The following IMMP2L variants were observed in gnomAD, a reference collection of about 807,000 sequenced individuals.
IMMP2L encodes the protein mitochondrial inner membrane protease subunit 2.
A neutral mutation model predicts 19.3 loss-of-function variants in IMMP2L; 18 were observed. The ratio of observed to expected loss-of-function variants is 0.93; its 90% confidence interval spans 0.64 to 1.38. The LOEUF is 1.38. Ranked by LOEUF, IMMP2L falls within the 40% of genes most tolerant of loss-of-function variation. The pLI is 0.00. For synonymous variants in IMMP2L, 76 were observed against 73.0 expected (o/e 1.04, Z -0.21); for missense variants, 233 against 218.2 (o/e 1.07, Z -0.43).
chr7:111,222,111 C>T (rs906000201), intron 3 of IMMP2L, among the ~76,000 whole-genome samples: 2 of 151,998 alleles, frequency 1.3e-5, no homozygotes, highest in Non-Finnish European at 1.5e-5. Flanking sequence ...ATAATGCCAC[C>T]TCAATTTCTG....
chr7:111,005,964 C>T (rs1296758588), intron 3 of IMMP2L, among the ~76,000 whole-genome samples: 1 of 146,750 alleles, frequency 6.8e-6, no homozygotes, highest in Non-Finnish European at 1.5e-5. Flanking sequence ...TCAGAAAGGC[C>T]AGGTTTTTTT....
At chr7:111,090,609 T>TAAAAAAAA (rs201456063) in intron 3 of IMMP2L, among the ~76,000 whole-genome samples, 1 of 113,128 alleles carries the variant, frequency 8.8e-6, no homozygotes, top group Non-Finnish European at 1.9e-5. Context: ...ATGTCATTGC[T>TAAAAAAAA]AAAAAAAAAA....
chr7:111,307,780 A>C (rs1385174229), intron 3 of IMMP2L, among the ~76,000 whole-genome samples: 1 of 151,730 alleles, frequency 6.6e-6, no homozygotes, highest in Non-Finnish European at 1.5e-5. Flanking sequence ...TTCCTTAGAA[A>C]TGGCCATAGC....
chr7:110,904,820 G>T (rs574298301), intron 4 of IMMP2L, among the ~76,000 whole-genome samples: 3 of 152,126 alleles, frequency 2.0e-5, no homozygotes, highest in South Asian at 2.1e-4. Context: ...TCCAAGAGAG[G>T]CCTGTTTTAC....
intron 3 of IMMP2L, among the ~76,000 whole-genome samples, chr7:111,071,109 C>A (rs1232573805): frequency 1.3e-5 from 2 of 151,886 alleles, no homozygotes; most frequent in Non-Finnish European, 2.9e-5. Context: ...CCAACAAGTA[C>A]ATGAAAAAAA....
chr7:110,917,708 G>A (rs1813773866), intron 4 of IMMP2L, among the ~76,000 whole-genome samples: 1 of 152,122 alleles, frequency 6.6e-6, no homozygotes, highest in African/African-American at 2.4e-5. Context: ...AGGTGGACGG[G>A]TCTCTTCTGC....
intron 3 of IMMP2L, among the ~76,000 whole-genome samples, chr7:111,311,652 C>T (rs775179310): frequency 3.9e-5 from 6 of 152,060 alleles, no homozygotes; most frequent in South Asian, 2.1e-4. Flanking sequence ...GAACTGGCTC[C>T]GGTCTAGAAA....
intron 4 of IMMP2L, among the ~76,000 whole-genome samples, chr7:110,912,666 A>C (rs1813186640): frequency 6.6e-6 from 1 of 151,942 alleles, no homozygotes; most frequent in Non-Finnish European, 1.5e-5. Flanking sequence ...AAAATTCAGT[A>C]TTTGGGTTTT....
At chr7:110,969,864 C>T (rs1256451057) in intron 3 of IMMP2L, among the ~76,000 whole-genome samples, 1 of 151,996 alleles carries the variant, frequency 6.6e-6, no homozygotes. Flanking sequence ...TTCTAGAGAC[C>T]TAAGAAGGCA....
chr7:111,089,896 A>G (rs537690653), intron 3 of IMMP2L, among the ~76,000 whole-genome samples: 1 of 152,098 alleles, frequency 6.6e-6, no homozygotes, highest in African/African-American at 2.4e-5. Flanking sequence ...TAATAACTGC[A>G]AACTATTGTT....
At chr7:111,158,576 G>A (rs1379250907) in intron 3 of IMMP2L, among the ~76,000 whole-genome samples, 1 of 152,036 alleles carries the variant, frequency 6.6e-6, no homozygotes, top group Non-Finnish European at 1.5e-5. Flanking sequence ...TCGAATCACG[G>A]TTTTCAGTTC....
intron 2 of IMMP2L, among the ~76,000 whole-genome samples, chr7:111,507,277 A>C: frequency 6.6e-6 from 1 of 152,154 alleles, no homozygotes; most frequent in East Asian, 1.9e-4. Flanking sequence ...AGTTCTGGGC[A>C]CCCTATATTT....
intron 3 of IMMP2L, among the ~76,000 whole-genome samples, chr7:111,384,548 C>T (rs562197230): frequency 9.9e-5 from 15 of 152,146 alleles, no homozygotes; most frequent in African/African-American, 2.9e-4. Flanking sequence ...ATCAGCACTG[C>T]CCCTCTATTA....
chr7:111,324,395 A>G (rs182070764), intron 3 of IMMP2L, among the ~76,000 whole-genome samples: 1 of 152,128 alleles, frequency 6.6e-6, no homozygotes, highest in Non-Finnish European at 1.5e-5. Flanking sequence ...AAAACTGACC[A>G]TAATAGAGAG....
chr7:111,326,124 A>G (rs149765554), intron 3 of IMMP2L, among the ~76,000 whole-genome samples: 1 of 151,614 alleles, frequency 6.6e-6, no homozygotes. Context: ...ACTTGCTATT[A>G]CTTTCAGGTC....
At chr7:110,976,835 A>G (rs1050395833) in intron 3 of IMMP2L, among the ~76,000 whole-genome samples, 1 of 152,018 alleles carries the variant, frequency 6.6e-6, no homozygotes, top group African/African-American at 2.4e-5. Flanking sequence ...AGCCTTAAAG[A>G]AAAGCCATAA....
chr7:111,281,233 A>G (rs1563005362), intron 3 of IMMP2L, among the ~76,000 whole-genome samples: 1 of 133,662 alleles, frequency 7.5e-6, no homozygotes, highest in African/African-American at 3.0e-5. Context: ...AGAAAGAAAG[A>G]AAGAAAGAAA....
chr7:110,665,369 T>G (rs1054630915), intron 5 of IMMP2L, among the ~76,000 whole-genome samples: 1 of 152,224 alleles, frequency 6.6e-6, no homozygotes, highest in Non-Finnish European at 1.5e-5. Flanking sequence ...AACTTCAACA[T>G]ATATCTCCTG....
intron 3 of IMMP2L, among the ~76,000 whole-genome samples, chr7:111,237,268 C>T (rs1443814434): frequency 1.3e-5 from 2 of 152,044 alleles, no homozygotes; most frequent in Non-Finnish European, 1.5e-5. Context: ...GAAAACAATG[C>T]TATCCTGTGC....
Sources: gnomAD v4.1 joint callset for allele counts (sites outside exome capture counted in the v4.1 genomes callset) on GRCh38, gnomAD v4.1.1 for gene constraint, MANE v1.5 for transcripts, NCBI Gene and HGNC (gene_info 2026-07-23, HGNC 2026-07-21) for gene names.